Variants in SORCS1 observed in about 807,000 individuals in gnomAD.
SORCS1 encodes the protein VPS10 domain-containing receptor SorCS1.
A neutral mutation model predicts 146.1 loss-of-function variants in SORCS1; 60 were observed. The observed-to-expected ratio is 0.41, with a 90% CI of 0.33 to 0.51. The LOEUF (loss-of-function observed/expected upper bound fraction) is 0.51. Among genes scored for constraint, SORCS1 ranks in the 20% least tolerant of loss-of-function variants. SORCS1 has a pLI of 0.21. For synonymous variants in SORCS1, 637 were observed against 584.0 expected, an observed-to-expected ratio of 1.09 and a Z score of -1.31; for missense variants, 1,352 against 1,487.6, an observed-to-expected ratio of 0.91 and a Z score of 1.50.
At chr10:106,744,596 G>A (rs561012549) in intron 5 of SORCS1, among the ~76,000 whole-genome samples, 26 of 152,244 alleles carry the variant, frequency 1.7e-4, no homozygotes, top group Admixed American at 7.2e-4. Context: ...TTTACCTTAT[G>A]ACTATACCAT....
intron 6 of SORCS1, among the ~76,000 whole-genome samples, chr10:106,709,605 T>C (rs1854819273): frequency 6.6e-6 from 1 of 151,926 alleles, no homozygotes; most frequent in Non-Finnish European, 1.5e-5. Context: ...TCCACCACAA[T>C]GCCCGGCTAA....
chr10:107,049,125 A>G (rs529930280), intron 1 of SORCS1, among the ~76,000 whole-genome samples: 22 of 151,382 alleles, frequency 1.5e-4, no homozygotes, highest in African/African-American at 5.1e-4. Context: ...AGGGACATGG[A>G]TGAAATTGGA....
At chr10:106,801,215 A>G (rs971491199) in intron 3 of SORCS1, among the ~76,000 whole-genome samples, 1 of 152,210 alleles carries the variant, frequency 6.6e-6, no homozygotes, top group Non-Finnish European at 1.5e-5. Context: ...AATATGTGCT[A>G]TTCATAATTT....
intron 1 of SORCS1, among the ~76,000 whole-genome samples, chr10:107,032,635 C>T (rs1257558781): frequency 6.6e-6 from 1 of 152,118 alleles, no homozygotes; most frequent in African/African-American, 2.4e-5. Flanking sequence ...CCTTGTTGCC[C>T]TATGGATATG....
At chr10:107,065,090 T>C (rs1961614589) in intron 1 of SORCS1, among the ~76,000 whole-genome samples, 1 of 152,170 alleles carries the variant, frequency 6.6e-6, no homozygotes, top group African/African-American at 2.4e-5. Flanking sequence ...ACTGACAGGT[T>C]GTTGAAGACT....
chr10:106,964,550 G>A (rs1156540543), intron 1 of SORCS1, among the ~76,000 whole-genome samples: 2 of 151,962 alleles, frequency 1.3e-5, no homozygotes, highest in Non-Finnish European at 2.9e-5. Flanking sequence ...GCAGTGGTGC[G>A]ATCTTGGCTC....
intron 2 of SORCS1, among the ~76,000 whole-genome samples, chr10:106,950,866 A>C (rs1177334050): frequency 6.6e-6 from 1 of 152,180 alleles, no homozygotes; most frequent in Non-Finnish European, 1.5e-5. Flanking sequence ...AACACTCAGC[A>C]TCATGCCAGA....
chr10:106,977,061 A>G (rs56852918), intron 1 of SORCS1, among the ~76,000 whole-genome samples: 11,662 of 152,204 alleles, frequency 0.077, 1,238 homozygotes, highest in African/African-American at 0.24. Context: ...ACCCAGTAAC[A>G]AGATTGCTGG....
intron 5 of SORCS1, among the ~76,000 whole-genome samples, chr10:106,739,579 C>T (rs888564091): frequency 5.3e-5 from 8 of 151,804 alleles, no homozygotes; most frequent in African/African-American, 1.9e-4. Flanking sequence ...GAGGCCGAGG[C>T]AGGTGGATCA....
chr10:106,838,681 C>T (rs1205843138), intron 2 of SORCS1, among the ~76,000 whole-genome samples: 1 of 152,112 alleles, frequency 6.6e-6, no homozygotes, highest in Non-Finnish European at 1.5e-5. Flanking sequence ...ATAGGCATAC[C>T]TTGTTTTATT....
the SORCS1 span, among the ~76,000 whole-genome samples, chr10:107,171,900 G>A: frequency 6.6e-6 from 1 of 152,154 alleles, no homozygotes; most frequent in Non-Finnish European, 1.5e-5. Flanking sequence ...CTGCCTAGAT[G>A]TAGATCCATG....
intron 3 of SORCS1, among the ~76,000 whole-genome samples, chr10:106,799,153 G>C (rs1946739754): frequency 6.6e-6 from 1 of 152,160 alleles, no homozygotes; most frequent in Admixed American, 6.5e-5. Context: ...TTAATAAATG[G>C]TGCTGGGAAA....
intron 2 of SORCS1, among the ~76,000 whole-genome samples, chr10:106,832,294 T>C (rs536583841): frequency 6.6e-6 from 1 of 151,234 alleles, no homozygotes; most frequent in East Asian, 2.0e-4. Flanking sequence ...GTTCGATCGA[T>C]TCTCCTGCCT....
chr10:106,989,461 T>C (rs1278918725), intron 1 of SORCS1, among the ~76,000 whole-genome samples: 1 of 151,846 alleles, frequency 6.6e-6, no homozygotes, highest in Non-Finnish European at 1.5e-5. Flanking sequence ...CTGTTCCTTG[T>C]TTCCATTCAG....
intron 6 of SORCS1, among the ~76,000 whole-genome samples, chr10:106,727,500 T>C (rs1856288504): frequency 4.6e-5 from 7 of 152,232 alleles, no homozygotes; most frequent in Admixed American, 4.6e-4. Flanking sequence ...ACTACAGATG[T>C]GTGCTACCAT....
At chr10:106,958,030 C>T (rs1049881827) in intron 1 of SORCS1, among the ~76,000 whole-genome samples, 6 of 152,152 alleles carry the variant, frequency 3.9e-5, no homozygotes, top group Admixed American at 2.0e-4. Context: ...AAAACCCTTC[C>T]CGTTACAGCT....
chr10:107,061,687 C>G (rs190442050), intron 1 of SORCS1, among the ~76,000 whole-genome samples: 4 of 152,298 alleles, frequency 2.6e-5, no homozygotes, highest in Admixed American at 2.6e-4. Context: ...ATTATTTTCA[C>G]TCCTTTCATT....
At chr10:106,679,191 G>T in intron 12 of SORCS1, 65 bp downstream of exon 12, 1 of 1,324,982 alleles carries the variant, frequency 7.5e-7, no homozygotes, top group Non-Finnish European at 1.1e-6. Flanking sequence ...TCCCAGATTT[G>T]AACCAAGCTG....
chr10:107,154,805 A>G (rs1055691228), intron 1 of SORCS1, among the ~76,000 whole-genome samples: 3 of 152,364 alleles, frequency 2.0e-5, no homozygotes, highest in Non-Finnish European at 4.4e-5. Flanking sequence ...ATGATTTAGT[A>G]TATGCCAGAT....
Sources: allele counts gnomAD v4.1 joint callset (sites outside exome capture counted in the v4.1 genomes callset), GRCh38; gene constraint gnomAD v4.1.1; transcripts MANE v1.5; gene names NCBI Gene and HGNC (gene_info 2026-07-23, HGNC 2026-07-21).